ZNF862: variants seen among roughly 807,000 people sequenced by gnomAD.
ZNF862 encodes zinc finger protein 862.
A neutral mutation model predicts 91.1 loss-of-function variants in ZNF862; 64 were observed. That is an observed-to-expected ratio of 0.70 (90% confidence interval 0.57 to 0.87). ZNF862 has a LOEUF of 0.87. Among genes scored for constraint, ZNF862 ranks in the 40% least tolerant of loss-of-function variants. The pLI, the probability that ZNF862 is intolerant of heterozygous loss-of-function variation, is 0.00. For synonymous variants in ZNF862, 631 were observed against 618.1 expected, an observed-to-expected ratio of 1.02 and a Z score of -0.31; for missense variants, 1,459 against 1,528.0, an observed-to-expected ratio of 0.95 and a Z score of 0.75.
chr7:149,861,789 G>A lies in ZNF862; in HGVS notation c.2629G>A (p.Val877Met), dbSNP rs771555716. 11 of 1,613,546 alleles carry A rather than the reference G, an allele frequency of 6.8e-6. No individual in the cohort carries two copies. Among genetic ancestry groups the A allele is most frequent in the East Asian group, 2.2e-5 (1 of 44,872 alleles). The change falls in exon 7 of 8, where the codon GTG becomes ATG. Residue 877 changes from valine to methionine, a missense_variant. By Grantham distance (21) the Val-to-Met change is conservative. Transcript: ENST00000223210. The surrounding 1 kb of genome is among the most constrained non-coding windows in gnomAD (Gnocchi z 6.7). Reference sequence around the variant, plus strand: ...GAACGCCACGCTGGGCCGCGCCTACGTGGCACTGGAGAGCCTCCGTCACCA... The same window carrying A: ...GAACGCCACGCTGGGCCGCGCCTACATGGCACTGGAGAGCCTCCGTCACCA... ...EVNATLGRAY[V>M]ALESLRHQAG...
chr7:149,846,178 T>C lies in ZNF862; in HGVS notation c.164T>C (p.Phe55Ser). The C allele has an allele frequency of 6.2e-7, 1 of 1,613,728 alleles. No homozygotes were observed. Among genetic ancestry groups the C allele is most frequent in the Non-Finnish European group, 8.5e-7 (1 of 1,179,822 alleles). Residue 55 changes from phenylalanine to serine, a missense_variant, in exon 3 of 8, where the codon TTC (phenylalanine) becomes TCC (serine). Physicochemically the swap from Phe to Ser is radical, Grantham distance 155. Transcript: ENST00000223210. ...CCAACTGTTGCCAATCCTGAGCTGT[T>C]CCGCAAGTTCGGACGAGGGCCAGAG... ...LGPTVANPEL[F>S]RKFGRGPEPW...
chr7:149,857,959 C>A (rs1475057764), intron 5 of ZNF862, among the ~76,000 whole-genome samples: 5 of 152,144 alleles, frequency 3.3e-5, no homozygotes, highest in Admixed American at 6.5e-5. Flanking sequence ...TATATGGGGT[C>A]TGGAGCCTTT....
chr7:149,859,180 C>T (rs2128940939), intron 5 of ZNF862: 2 of 564,666 alleles, frequency 3.5e-6, no homozygotes, highest in East Asian at 3.0e-5. Flanking sequence ...ACCCTTCCCC[C>T]TCTGGTGTGT....
intron 5 of ZNF862, chr7:149,852,799 C>T (rs894552417): frequency 1.8e-4 from 28 of 152,174 alleles, no homozygotes; most frequent in African/African-American, 6.3e-4. Context: ...TGTGGGTAGC[C>T]CTTGCTTTTA....
rs770160643 is a variant in ZNF862, at chr7:149,861,317, G to T, written c.2157G>T (p.Leu719=). The T allele has an allele frequency of 1.9e-6, 3 of 1,612,846 alleles. No individual in the cohort carries two copies. Among genetic ancestry groups the T allele is most frequent in the Non-Finnish European group, 2.5e-6 (3 of 1,179,880 alleles). ...VEKFQEVIPQ[L]LPVHCVAHRL... ...AGTTCCAGGAGGTCATCCCGCAGCT[G>T]CTGCCTGTCCACTGCGTGGCCCACC... The change falls in exon 7 of 8, where the codon CTG becomes CTT. Residue 719 remains leucine (L), a synonymous_variant. Coordinates refer to ENST00000223210, the MANE Select transcript of ZNF862 (RefSeq NM_001099220.3). The surrounding 1 kb of genome is among the most constrained non-coding windows in gnomAD (Gnocchi z 6.7).
At chr7:149,843,561 C>G (rs894278071) in intron 1 of ZNF862, among the ~76,000 whole-genome samples, 1 of 152,154 alleles carries the variant, frequency 6.6e-6, no homozygotes, top group East Asian at 1.9e-4. Flanking sequence ...AACCTGCCCC[C>G]CAAACCCCAA....
chr7:149,853,268 C>G (rs1180716761), intron 5 of ZNF862, among the ~76,000 whole-genome samples: 1 of 152,204 alleles, frequency 6.6e-6, no homozygotes, highest in African/African-American at 2.4e-5. Flanking sequence ...CCTGCTGGCC[C>G]TTGGTGAAGT....
intron 2 of ZNF862, chr7:149,845,006 A>C: frequency 2.5e-6 from 1 of 393,864 alleles, no homozygotes. Flanking sequence ...GGTGCCTCAG[A>C]ATGCCCCAAG....
rs768473158 is a variant in ZNF862, at chr7:149,838,485, C to T, written c.-127C>T. ...ACGTGAGAGAGCGAAGTTCTTGGGC[C>T]GCGCTCCCTCCCTACCTGGGTGCCC... On this transcript the variant is annotated 5_prime_UTR_variant, in exon 1 of 8. Transcript: ENST00000223210. 1.6e-5 allele frequency: 9 copies of T among 579,778 alleles called. No individual in the cohort carries two copies. The South Asian group carries it at 4.6e-4, about 30-fold the overall frequency. The allele number at this position is 579,778 out of a possible 1,614,324, so 35.9% of individuals were successfully genotyped here. A position where few individuals can be genotyped will look rare whatever the true frequency, so the allele number is the denominator to read the frequency against.
Position 149,850,181 on chromosome 7 carries a change from G to A in ZNF862, c.960G>A (p.Leu320=). 1 of 1,576,428 alleles carries A rather than the reference G, an allele frequency of 6.3e-7. No individual in the cohort carries two copies. The stretch of plus-strand genomic sequence containing the variant: ...TCCAGGACCCTTCTGCAGAGGGGCT[G>A]TCGGAGGAGGTTCCTGTGGTGTTTG... ...SCIQDPSAEG[L]SEEVPVVFEE... is the part of the protein sequence containing the mutation. The change falls in exon 5 of 8, where the codon CTG becomes CTA. Residue 320 remains leucine (L), a synonymous_variant. Transcript: ENST00000223210. This position sits in a 1 kb window ranked among gnomAD's most constrained non-coding sequence, Gnocchi z 4.2.
At chr7:149,849,349 C>T (rs1467999263) in intron 4 of ZNF862, among the ~76,000 whole-genome samples, 2 of 152,204 alleles carry the variant, frequency 1.3e-5, no homozygotes, top group Admixed American at 6.5e-5. Flanking sequence ...TCCTTCCACT[C>T]CCCGCAGCAC....
intron 5 of ZNF862, chr7:149,858,399 ATTTAC>A (rs1802331245): frequency 6.6e-6 from 1 of 152,218 alleles, no homozygotes; most frequent in East Asian, 1.9e-4. Context: ...CACTTTAGTA[ATTTAC>A]TTATTTATAT....
chr7:149,862,097 C>T lies in ZNF862; in HGVS notation c.2937C>T (p.Ser979=). Residue 979 remains serine (S), a synonymous_variant, in exon 7 of 8, where the codon TCC becomes TCT. Coordinates refer to ENST00000223210, the MANE Select transcript of ZNF862 (RefSeq NM_001099220.3). ...ILNLARYFEC[S]LPTGYSEEAL... is the part of the protein sequence containing the mutation. ...ACCTGGCCAGGTATTTCGAGTGCTC[C>T]CTCCCAACAGGATACAGTGAGGAAG... 2 of 1,613,670 alleles carry T rather than the reference C, an allele frequency of 1.2e-6. No individual in the cohort carries two copies. Among genetic ancestry groups the T allele is most frequent in the Non-Finnish European group, 8.5e-7 (1 of 1,179,898 alleles).
At chr7:149,854,127 C>T (rs369709500) in intron 5 of ZNF862, among the ~76,000 whole-genome samples, 278 of 152,272 alleles carry the variant, frequency 1.8e-3, no homozygotes, top group Admixed American at 3.5e-3. Context: ...TGCATCCTCC[C>T]GTTCACCGCT....
intron 1 of ZNF862, among the ~76,000 whole-genome samples, chr7:149,838,979 C>G (rs1017208979): frequency 6.6e-6 from 1 of 152,222 alleles, no homozygotes; most frequent in African/African-American, 2.4e-5. Flanking sequence ...GGCTTGGAGT[C>G]TGGATCGGAC....
chr7:149,844,450 C>T (rs1057137088), intron 1 of ZNF862, among the ~76,000 whole-genome samples, 175 bp from the exon 2 acceptor site: 2 of 152,124 alleles, frequency 1.3e-5, no homozygotes, highest in East Asian at 1.9e-4. Flanking sequence ...CCAGAAGAAA[C>T]GAGTCTCGTT....
chr7:149,858,157 G>T (rs957714130), intron 5 of ZNF862, among the ~76,000 whole-genome samples: 1 of 152,112 alleles, frequency 6.6e-6, no homozygotes, highest in Admixed American at 6.5e-5. Context: ...TGCAGTTTCT[G>T]AATCTTTCTG....
intron 5 of ZNF862, among the ~76,000 whole-genome samples, chr7:149,851,290 C>G (rs1175599475): frequency 1.3e-5 from 2 of 152,172 alleles, no homozygotes; most frequent in Non-Finnish European, 2.9e-5. Flanking sequence ...CTTGGCCTCT[C>G]AAAGTGCTAG....
rs1387542099 is a variant in ZNF862 at position 149,867,424 on chromosome 7, C to T, written c.*3140C>T. 2.0e-5 allele frequency: 3 copies of T among 152,156 alleles called. No individual in the cohort carries two copies. The highest frequency in any genetic ancestry group is 2.1e-4 in the South Asian group (1 of 4,826). The allele number at this position is 152,156 out of a possible 1,614,324, so 9.4% of individuals were successfully genotyped here. On this transcript the variant is annotated 3_prime_UTR_variant, in exon 8 of 8. Coordinates refer to ENST00000223210, the MANE Select transcript of ZNF862 (RefSeq NM_001099220.3). ...AAAGATGAAAGGAGGTTTTAAAAACCATGTTTGATTCCTAACCTTTTGCTA... is the reference window on the plus strand; with the variant it reads ...AAAGATGAAAGGAGGTTTTAAAAACTATGTTTGATTCCTAACCTTTTGCTA...
Sources: gnomAD v4.1 joint callset for allele counts (sites outside exome capture counted in the v4.1 genomes callset) on GRCh38, gnomAD v4.1.1 for gene constraint, Gnocchi (gnomAD v3.1) non-coding constraint, MANE v1.5 for transcripts, NCBI Gene and HGNC (gene_info 2026-07-23, HGNC 2026-07-21) for gene names.